The following DLGAP1 variants were observed in gnomAD, a reference collection of about 807,000 sequenced individuals.
The protein encoded by DLGAP1 is disks large-associated protein 1.
Under a neutral mutation model 90.8 loss-of-function variants are expected in DLGAP1, and 11 were observed. The observed-to-expected ratio is 0.12, with a 90% confidence interval of 0.08 to 0.20. The LOEUF (loss-of-function observed/expected upper bound fraction) is 0.20, where lower values mean the gene tolerates loss of function less well. DLGAP1 is among the 10% of genes least tolerant of loss of function. DLGAP1 has a pLI of 1.00. For synonymous variants in DLGAP1, 558 were observed against 540.7 expected (o/e 1.03, Z -0.44); for missense variants, 1,050 against 1,333.8 (o/e 0.79, Z 3.31).
At chr18:3,644,693 G>A (rs1011208961) in intron 7 of DLGAP1, among the ~76,000 whole-genome samples, 5 of 152,158 alleles carry the variant, frequency 3.3e-5, no homozygotes, top group East Asian at 3.9e-4. Context: ...GATTACAGGC[G>A]TGAGCCACTG....
rs74823992 is a variant in DLGAP1, at chr18:3,982,721, G to A, written c.-73+22395C>T. ...CCAGCTGGTTTGGAAGCTCAGTGAT[G>A]GCAAGAAGCCCATTTTGTACTGGTT... On this transcript the variant is annotated intron_variant, in intron 3 of 12. Transcript: ENST00000315677. Among the ~76,000 whole-genome samples, 534 of 152,180 alleles carry A rather than the reference G, an allele frequency of 3.5e-3. 3 individuals are homozygous for A. The highest frequency in any genetic ancestry group is 0.012 in the African/African-American group (498 of 41,508).
intron 1 of DLGAP1, among the ~76,000 whole-genome samples, chr18:4,394,857 A>G (rs2082407850): frequency 6.6e-6 from 1 of 152,196 alleles, no homozygotes; most frequent in African/African-American, 2.4e-5. Flanking sequence ...GTTCTCGTCT[A>G]TTGAAAATAA....
intron 3 of DLGAP1, among the ~76,000 whole-genome samples, chr18:3,899,869 T>A (rs1223204406): frequency 1.3e-5 from 2 of 152,198 alleles, no homozygotes; most frequent in East Asian, 3.9e-4. Context: ...TTCACCTTTT[T>A]AAAAACATGA....
At chr18:4,020,659 G>A (rs1042966807) in intron 2 of DLGAP1, among the ~76,000 whole-genome samples, 4 of 152,082 alleles carry the variant, frequency 2.6e-5, no homozygotes, top group African/African-American at 7.2e-5. Flanking sequence ...TTTATTCCTG[G>A]GTGTAGGCCA....
chr18:3,675,808 A>G (rs1183868928), intron 7 of DLGAP1, among the ~76,000 whole-genome samples: 2 of 152,252 alleles, frequency 1.3e-5, no homozygotes, highest in South Asian at 4.1e-4. Flanking sequence ...CCTTTGTAGC[A>G]TTTGCTGTTT....
intron 7 of DLGAP1, among the ~76,000 whole-genome samples, chr18:3,696,910 C>T (rs1360507597): frequency 5.9e-5 from 9 of 152,238 alleles, no homozygotes; most frequent in Admixed American, 5.9e-4. Context: ...CGACTTTTTC[C>T]TGGTTTAGTC....
chr18:4,239,935 C>T (rs1375058245), intron 1 of DLGAP1, among the ~76,000 whole-genome samples: 6 of 152,168 alleles, frequency 3.9e-5, no homozygotes, highest in African/African-American at 1.4e-4. Flanking sequence ...AATTTCCTCC[C>T]CATATCTTTT....
chr18:3,520,592 C>T lies in DLGAP1; in HGVS notation c.2480-11931G>A, dbSNP rs181976921. Among the ~76,000 whole-genome samples, 95 of 152,266 alleles carry T rather than the reference C, an allele frequency of 6.2e-4. 1 individual carries two copies. The highest frequency in any genetic ancestry group is 2.3e-3 in the African/African-American group (94 of 41,548). On this transcript the variant is annotated intron_variant, in intron 10 of 12. Coordinates refer to ENST00000315677, the MANE Select transcript of DLGAP1 (RefSeq NM_004746.4). ...AGAACTGGAGATGAGAACACAGACA[C>T]ACACACAGAGGGGAGAATCAGGGAA...
At chr18:4,229,747 G>C (rs1273591337) in intron 1 of DLGAP1, among the ~76,000 whole-genome samples, 1 of 151,674 alleles carries the variant, frequency 6.6e-6, no homozygotes, top group African/African-American at 2.4e-5. Flanking sequence ...AGCTCAATTT[G>C]AGTTAATATA....
chr18:3,845,295 C>T (rs2068944783), intron 4 of DLGAP1: 1 of 1,611,512 alleles, frequency 6.2e-7, no homozygotes, highest in Non-Finnish European at 8.5e-7. Context: ...TTCATCTCAG[C>T]TTTGATTTGG....
intron 2 of DLGAP1, among the ~76,000 whole-genome samples, chr18:4,014,401 T>G (rs1401775853): frequency 6.6e-6 from 1 of 152,012 alleles, no homozygotes; most frequent in Non-Finnish European, 1.5e-5. Flanking sequence ...ATAACAAACA[T>G]AGTGATTTGT....
chr18:3,521,314 A>G (rs2051172340), intron 10 of DLGAP1, among the ~76,000 whole-genome samples: 1 of 152,094 alleles, frequency 6.6e-6, no homozygotes, highest in Non-Finnish European at 1.5e-5. Context: ...TTCTTATCTC[A>G]TGTAATTCTC....
intron 2 of DLGAP1, among the ~76,000 whole-genome samples, chr18:4,048,792 CTT>C (rs1209989243): frequency 1.3e-5 from 2 of 152,212 alleles, no homozygotes; most frequent in Admixed American, 1.3e-4. Context: ...GAAAAGCTGA[CTT>C]TTGTCACTAT....
At chr18:3,793,896 T>C (rs1304305325) in intron 5 of DLGAP1, among the ~76,000 whole-genome samples, 2 of 152,182 alleles carry the variant, frequency 1.3e-5, no homozygotes, top group African/African-American at 4.8e-5. Flanking sequence ...GTTATCCTAG[T>C]CTTCCTTGCT....
chr18:3,842,446 T>C (rs1465353919), intron 4 of DLGAP1, among the ~76,000 whole-genome samples: 1 of 152,128 alleles, frequency 6.6e-6, no homozygotes, highest in Non-Finnish European at 1.5e-5. Flanking sequence ...ATGTGCAGGA[T>C]GAACTGGATT....
At chr18:3,502,432 T>C in intron 12 of DLGAP1, 61 bp downstream of exon 12, 2 of 1,610,104 alleles carry the variant, frequency 1.2e-6, no homozygotes, top group Non-Finnish European at 1.7e-6. Flanking sequence ...GAAGCCTATT[T>C]AGACTGTCCA....
intron 3 of DLGAP1, among the ~76,000 whole-genome samples, chr18:3,917,426 A>C (rs2072169910): frequency 1.3e-5 from 2 of 152,202 alleles, no homozygotes; most frequent in Non-Finnish European, 2.9e-5. Flanking sequence ...GCTAAAGTCC[A>C]AGGAGGCCAA....
At chr18:4,072,004 G>A (rs1025247692) in intron 2 of DLGAP1, among the ~76,000 whole-genome samples, 1 of 152,182 alleles carries the variant, frequency 6.6e-6, no homozygotes, top group Non-Finnish European at 1.5e-5. Flanking sequence ...GCTCATATAT[G>A]TGTGTCTAAA....
intron 2 of DLGAP1, among the ~76,000 whole-genome samples, chr18:4,130,663 C>T (rs554752484): frequency 6.6e-5 from 10 of 152,184 alleles, no homozygotes; most frequent in African/African-American, 2.2e-4. Context: ...ACCCTCCCAT[C>T]GCACACACAT....
Sources: allele counts gnomAD v4.1 joint callset (sites outside exome capture counted in the v4.1 genomes callset), GRCh38; gene constraint gnomAD v4.1.1; transcripts MANE v1.5; gene names NCBI Gene and HGNC (gene_info 2026-07-23, HGNC 2026-07-21).